NUP210L: variants seen among roughly 807,000 people sequenced by gnomAD.
NUP210L encodes nucleoporin 210 like, also known as nuclear pore membrane glycoprotein 210-like.
NUP210L carries 74 observed loss-of-function variants against 208.5 expected under a neutral mutation model. The observed-to-expected ratio is 0.35, with a 90% CI of 0.29 to 0.43. The LOEUF (loss-of-function observed/expected upper bound fraction) is 0.43. Among genes scored for constraint, NUP210L ranks in the 20% least tolerant of loss-of-function variants. NUP210L has a pLI of 1.00. For missense variants in NUP210L, 1,843 were observed against 2,289.4 expected, an observed-to-expected ratio of 0.81 and a Z score of 3.98; for synonymous variants, 780 against 816.9, an observed-to-expected ratio of 0.95 and a Z score of 0.77.
chr1:154,110,883 A>G (rs1486059180), intron 12 of NUP210L, among the ~76,000 whole-genome samples: 1 of 150,882 alleles, frequency 6.6e-6, no homozygotes, highest in Non-Finnish European at 1.5e-5. Flanking sequence ...GCCTGAAAAA[A>G]AAGAAAAACA....
In NUP210L at chr1:154,060,583, C is replaced by T. The variant is rs750323493; in HGVS notation, c.2807G>A (p.Gly936Asp). ...TTCCATGTAAGTGATGGTGACAACA[C>T]CCTGCTCACTGCTGTTGACTAAAAA... is the stretch of plus-strand genomic sequence containing the variant. Residue 936 changes from glycine (G) to aspartate (D), a missense_variant, in exon 20 of 40, where the codon GGT (glycine) becomes GAT (aspartate). Around this residue, in one of 5 missense-constraint regions of NUP210L, gnomAD observed 408 missense variants for 600.8 expected, o/e 0.68. Coordinates refer to ENST00000368559, the Ensembl canonical transcript of NUP210L. 2 of 1,613,710 alleles carry T rather than the reference C, an allele frequency of 1.2e-6. No homozygotes were observed. The highest frequency in any genetic ancestry group is 1.3e-5 in the African/African-American group (1 of 74,916).
intron 38 of NUP210L, 104 bp downstream of exon 38, chr1:153,994,972 A>G: frequency 1.5e-6 from 1 of 670,904 alleles, no homozygotes; most frequent in Non-Finnish European, 2.5e-6. Flanking sequence ...AGATTGCGCC[A>G]CTGCACTCCA....
intron 23 of NUP210L, among the ~76,000 whole-genome samples, chr1:154,055,588 G>T (rs1422078959): frequency 1.3e-5 from 2 of 151,878 alleles, no homozygotes; most frequent in Non-Finnish European, 2.9e-5. Flanking sequence ...CAGAGATGGG[G>T]TCTCCCTATG....
At chr1:154,069,108 G>C (rs1201945421) in intron 17 of NUP210L, among the ~76,000 whole-genome samples, 1 of 152,090 alleles carries the variant, frequency 6.6e-6, no homozygotes, top group African/African-American at 2.4e-5. Context: ...AGAAAACCTA[G>C]GCAATACCAT....
intron 32 of NUP210L, among the ~76,000 whole-genome samples, chr1:154,019,633 G>T (rs886941752): frequency 8.6e-5 from 13 of 151,828 alleles, no homozygotes; most frequent in Middle Eastern, 3.4e-3. Flanking sequence ...TAGCTAAAAA[G>T]AATAAAAAAT....
chr1:154,071,580 T>C (rs1317107251), intron 16 of NUP210L, among the ~76,000 whole-genome samples: 1 of 151,138 alleles, frequency 6.6e-6, no homozygotes, highest in African/African-American at 2.4e-5. Context: ...CTTAGAATAA[T>C]AGTCTCCAAT....
At chr1:154,071,627 C>CTTTTTTT (rs893742878) in intron 16 of NUP210L, among the ~76,000 whole-genome samples, 2 of 99,796 alleles carry the variant, frequency 2.0e-5, no homozygotes, top group South Asian at 3.7e-4. Flanking sequence ...CAATTCATTC[C>CTTTTTTT]TTTTTTTTTT....
chr1:154,059,171 C>A (rs1011407478), intron 20 of NUP210L, among the ~76,000 whole-genome samples: 1 of 152,042 alleles, frequency 6.6e-6, no homozygotes, highest in African/African-American at 2.4e-5. Context: ...CCTGTCTTTA[C>A]CCAAAACAAA....
intron 8 of NUP210L, among the ~76,000 whole-genome samples, chr1:154,128,915 A>C (rs1658115621): frequency 6.6e-6 from 1 of 152,216 alleles, no homozygotes; most frequent in Non-Finnish European, 1.5e-5. Context: ...GACAAGAAGA[A>C]ACCATACTTT....
chr1:154,096,223 A>C (rs1232937219), intron 14 of NUP210L, among the ~76,000 whole-genome samples: 1 of 152,176 alleles, frequency 6.6e-6, no homozygotes, highest in Non-Finnish European at 1.5e-5. Flanking sequence ...AATTATTCTA[A>C]AAACGTAAGC....
At chr1:154,127,122 AAAG>A (rs1463033807) in intron 9 of NUP210L, among the ~76,000 whole-genome samples, 186 bp downstream of exon 9, 3 of 151,580 alleles carry the variant, frequency 2.0e-5, no homozygotes, top group African/African-American at 2.4e-5. Flanking sequence ...AAAAAAAAAA[AAAG>A]AAGAAAAAGA....
At chr1:154,012,861 C>T (rs986751191) in intron 33 of NUP210L, among the ~76,000 whole-genome samples, 1 of 151,802 alleles carries the variant, frequency 6.6e-6, no homozygotes, top group African/African-American at 2.4e-5. Flanking sequence ...ACAAAATTAG[C>T]CGGGCTTGGT....
intron 7 of NUP210L, among the ~76,000 whole-genome samples, chr1:154,134,196 T>C (rs1658399455): frequency 6.6e-6 from 1 of 151,318 alleles, no homozygotes; most frequent in Non-Finnish European, 1.5e-5. Context: ...AGAATCTAAC[T>C]ATACTGGACA....
chr1:154,095,225 T>A, intron 14 of NUP210L, 69 bp from the exon 15 acceptor site: 1 of 1,140,812 alleles, frequency 8.8e-7, no homozygotes. Context: ...AGTGAAACAC[T>A]AGTTATCTGA....
At chr1:154,041,927 C>T (rs895960022) in intron 27 of NUP210L, among the ~76,000 whole-genome samples, 1 of 152,118 alleles carries the variant, frequency 6.6e-6, no homozygotes, top group Non-Finnish European at 1.5e-5. Flanking sequence ...CCCCTACACA[C>T]ACAAAAAAAT....
intron 25 of NUP210L, among the ~76,000 whole-genome samples, chr1:154,046,793 G>A (rs1334389020): frequency 2.6e-5 from 4 of 152,156 alleles, no homozygotes; most frequent in East Asian, 1.9e-4. Context: ...GGCTGTGCAC[G>A]GTGGCTCACG....
chr1:154,138,186 A>T, exon 6 of NUP210L: 1 of 1,545,714 alleles, frequency 6.5e-7, no homozygotes. Context: ...ATGGGATGGT[A>T]TAAGAAATAT....
At chr1:153,996,316 A>G (rs1649864495) in intron 37 of NUP210L, among the ~76,000 whole-genome samples, 2 of 152,062 alleles carry the variant, frequency 1.3e-5, no homozygotes, top group Admixed American at 6.6e-5. Flanking sequence ...AAACAAAAAC[A>G]TGCTGTTTAC....
chr1:154,054,420 T>C lies in NUP210L; in HGVS notation c.3304-13A>G. 6.2e-7 allele frequency: 1 copy of C among 1,613,200 alleles called. No homozygotes were observed. Among genetic ancestry groups the C allele is most frequent in the Non-Finnish European group, 8.5e-7 (1 of 1,179,190 alleles). Reference sequence around the variant, plus strand: ...CTTCAGACATTACCTGGAATTTAAATATACCATTGAATGCCTAGAACATGA... The same window carrying C: ...CTTCAGACATTACCTGGAATTTAAACATACCATTGAATGCCTAGAACATGA... On this transcript the variant is annotated splice_polypyrimidine_tract_variant and intron_variant, in intron 24 of 39. Transcript: ENST00000368559.
Sources: gnomAD v4.1 joint callset for allele counts (sites outside exome capture counted in the v4.1 genomes callset) on GRCh38, gnomAD v4.1.1 for gene constraint, gnomAD v4.1.1 regional missense constraint, MANE v1.5 for transcripts, NCBI Gene and HGNC (gene_info 2026-07-23, HGNC 2026-07-21) for gene names.